The following PRKG1 variants were observed in gnomAD, a reference collection of about 807,000 sequenced individuals.
PRKG1 encodes the protein protein kinase cGMP-dependent 1, also known as cGMP-dependent protein kinase 1.
Under a neutral mutation model 88.1 loss-of-function variants are expected in PRKG1, and 35 were observed. The observed-to-expected ratio is 0.40, with a 90% CI of 0.30 to 0.53. The LOEUF (loss-of-function observed/expected upper bound fraction) is 0.53, where lower values mean the gene tolerates loss of function less well. Ranked by LOEUF, PRKG1 falls within the 20% of genes least tolerant of loss-of-function variation. The probability of loss-of-function intolerance (pLI) is 0.59; values close to 1 mark genes in which losing one functional copy is unlikely to be tolerated. For missense variants in PRKG1, 540 were observed against 839.8 expected (o/e 0.64, Z 4.41); for synonymous variants, 303 against 292.5 (o/e 1.04, Z -0.37).
intron 2 of PRKG1, among the ~76,000 whole-genome samples, chr10:51,443,118 C>T (rs371099318): frequency 1.5e-4 from 21 of 143,960 alleles, no homozygotes; most frequent in African/African-American, 5.6e-4. Context: ...GGATCTTTAG[C>T]GAATACAGCT....
At chr10:51,474,963 A>G (rs1840151311) in intron 3 of PRKG1, among the ~76,000 whole-genome samples, 1 of 151,990 alleles carries the variant, frequency 6.6e-6, no homozygotes, top group Non-Finnish European at 1.5e-5. Context: ...CAGTCATCCC[A>G]TGCATTATGT....
chr10:51,323,055 A>G (rs974166889), intron 2 of PRKG1, among the ~76,000 whole-genome samples: 4 of 152,206 alleles, frequency 2.6e-5, no homozygotes, highest in Admixed American at 1.3e-4. Flanking sequence ...ATTCATTTAC[A>G]TATGGAAAAA....
At chr10:51,308,520 A>T (rs1049881369) in intron 2 of PRKG1, among the ~76,000 whole-genome samples, 1 of 152,010 alleles carries the variant, frequency 6.6e-6, no homozygotes, top group Non-Finnish European at 1.5e-5. Context: ...TCTTATTCTC[A>T]TCTCTTGATT....
intron 3 of PRKG1, among the ~76,000 whole-genome samples, chr10:51,483,423 A>T (rs938235271): frequency 2.6e-5 from 4 of 152,068 alleles, no homozygotes; most frequent in Non-Finnish European, 5.9e-5. Flanking sequence ...TATTATACTC[A>T]CACCTACTTT....
intron 9 of PRKG1, among the ~76,000 whole-genome samples, chr10:52,177,810 A>G (rs1456447237): frequency 6.6e-6 from 1 of 150,418 alleles, no homozygotes; most frequent in Non-Finnish European, 1.5e-5. Flanking sequence ...CCCCCTTATG[A>G]TCCTTTGTAT....
intron 2 of PRKG1, chr10:51,245,565 G>A (rs1446054008): frequency 1.3e-5 from 2 of 152,202 alleles, no homozygotes; most frequent in East Asian, 3.9e-4. Flanking sequence ...TGTTGTGTTA[G>A]ACACCAGGCA....
chr10:51,773,942 A>T (rs945679793), intron 3 of PRKG1, among the ~76,000 whole-genome samples: 21 of 152,112 alleles, frequency 1.4e-4, no homozygotes, highest in African/African-American at 5.1e-4. Flanking sequence ...GAATTTCTAT[A>T]TTAGTAAGTG....
At chr10:51,058,388 T>G (rs907029319) in intron 1 of PRKG1, among the ~76,000 whole-genome samples, 3 of 152,082 alleles carry the variant, frequency 2.0e-5, no homozygotes, top group African/African-American at 7.2e-5. Flanking sequence ...TAGACTTAAA[T>G]TTTTAGGTTT....
chr10:51,581,829 T>A (rs917403435), intron 3 of PRKG1, among the ~76,000 whole-genome samples: 1 of 151,464 alleles, frequency 6.6e-6, no homozygotes. Flanking sequence ...ATCAGGAGCA[T>A]TTCATCTTTT....
At chr10:51,926,044 G>C (rs193284609) in intron 5 of PRKG1, among the ~76,000 whole-genome samples, 1 of 152,150 alleles carries the variant, frequency 6.6e-6, no homozygotes, top group East Asian at 1.9e-4. Context: ...TTATTCCATT[G>C]AGAAAAACAT....
intron 4 of PRKG1, among the ~76,000 whole-genome samples, chr10:51,832,350 A>G (rs183210437): frequency 1.5e-3 from 234 of 152,326 alleles, no homozygotes; most frequent in Non-Finnish European, 2.3e-3. Flanking sequence ...TAGCATGTAT[A>G]TAAGATTCCT....
intron 3 of PRKG1, chr10:51,697,080 C>G (rs1259804196): frequency 6.6e-6 from 1 of 152,286 alleles, no homozygotes; most frequent in Middle Eastern, 3.4e-3. Context: ...AAATCAGGTG[C>G]ACTCCTTGAT....
At chr10:51,829,369 A>G (rs1839950596) in intron 4 of PRKG1, among the ~76,000 whole-genome samples, 1 of 152,190 alleles carries the variant, frequency 6.6e-6, no homozygotes, top group African/African-American at 2.4e-5. Context: ...ACACAATGAC[A>G]TGAAGACCTT....
intron 4 of PRKG1, among the ~76,000 whole-genome samples, chr10:51,834,078 G>A (rs1176135485): frequency 6.6e-6 from 1 of 151,964 alleles, no homozygotes; most frequent in Non-Finnish European, 1.5e-5. Context: ...TTGTGTATAG[G>A]GCTAAATAGT....
rs188649379 is a variant in PRKG1, at chr10:51,599,921, G to A, written c.592+132085G>A. ...AAATTTGCTTTCAAAATATATATGT[G>A]TACATGCATGCATATTTGTGTGCTT... On this transcript the variant is annotated intron_variant, in intron 3 of 17. Transcript: ENST00000373980. Among the ~76,000 whole-genome samples the A allele has an allele frequency of 2.2e-3, 337 of 152,210 alleles. 3 individuals are homozygous for A. The highest frequency in any genetic ancestry group is 6.8e-3 in the African/African-American group (283 of 41,530).
intron 1 of PRKG1, among the ~76,000 whole-genome samples, chr10:51,093,060 T>C (rs1456779220): frequency 6.6e-6 from 1 of 152,172 alleles, no homozygotes; most frequent in African/African-American, 2.4e-5. Flanking sequence ...TGATACTGTT[T>C]CCTTGTGTTT....
intron 5 of PRKG1, among the ~76,000 whole-genome samples, chr10:51,916,503 T>C (rs1247213021): frequency 6.6e-6 from 1 of 152,222 alleles, no homozygotes; most frequent in Non-Finnish European, 1.5e-5. Flanking sequence ...GCTCTGTCTA[T>C]GGAGTAGCCA....
At chr10:52,215,519 A>C (rs944478738) in intron 9 of PRKG1, among the ~76,000 whole-genome samples, 1 of 152,184 alleles carries the variant, frequency 6.6e-6, no homozygotes, top group Non-Finnish European at 1.5e-5. Context: ...TCTTTTGTGC[A>C]TCTCAGGTCA....
At chr10:51,546,867 C>A (rs1412769647) in intron 3 of PRKG1, among the ~76,000 whole-genome samples, 1 of 152,054 alleles carries the variant, frequency 6.6e-6, no homozygotes. Flanking sequence ...AATGCCTCCA[C>A]TTTATACTTT....
Sources: gnomAD v4.1 joint callset for allele counts (sites outside exome capture counted in the v4.1 genomes callset) on GRCh38, gnomAD v4.1.1 for gene constraint, MANE v1.5 for transcripts, NCBI Gene and HGNC (gene_info 2026-07-23, HGNC 2026-07-21) for gene names.